RARB: variants seen among roughly 807,000 people sequenced by gnomAD.
RARB encodes the protein retinoic acid receptor beta.
Under a neutral mutation model 51.9 loss-of-function variants are expected in RARB, and 17 were observed. The ratio of observed to expected loss-of-function variants is 0.33; its 90% confidence interval spans 0.22 to 0.49. The LOEUF (loss-of-function observed/expected upper bound fraction) is 0.49, where lower values mean the gene tolerates loss of function less well. Among genes scored for constraint, RARB ranks in the 20% least tolerant of loss-of-function variants. RARB has a pLI of 0.99. For synonymous variants in RARB, 215 were observed against 195.4 expected, an observed-to-expected ratio of 1.10 and a Z score of -0.84; for missense variants, 369 against 550.8, an observed-to-expected ratio of 0.67 and a Z score of 3.30.
At chr3:25,064,462 G>A (rs1698617082) in intron 3 of RARB, among the ~76,000 whole-genome samples, 1 of 152,016 alleles carries the variant, frequency 6.6e-6, no homozygotes, top group Non-Finnish European at 1.5e-5. Flanking sequence ...ACAGTTGTAA[G>A]TTATCCAAAA....
intron 2 of RARB, among the ~76,000 whole-genome samples, chr3:25,001,738 T>C (rs1023377419): frequency 6.6e-6 from 1 of 152,324 alleles, no homozygotes; most frequent in East Asian, 1.9e-4. Context: ...ATGCAACTCA[T>C]TTGCACATGA....
chr3:25,585,589 C>A (rs1461550311), intron 5 of RARB, among the ~76,000 whole-genome samples: 1 of 152,164 alleles, frequency 6.6e-6, no homozygotes, highest in South Asian at 2.1e-4. Context: ...TTCATATCAG[C>A]CCCGTGGGCA....
intron 5 of RARB, among the ~76,000 whole-genome samples, chr3:25,271,728 T>G (rs1305646323): frequency 6.6e-6 from 1 of 152,200 alleles, no homozygotes; most frequent in East Asian, 1.9e-4. Flanking sequence ...TAATCTTGTT[T>G]ATAAAAGAAA....
intron 2 of RARB, among the ~76,000 whole-genome samples, chr3:24,879,435 A>T (rs549377306): frequency 1.7e-3 from 52 of 30,378 alleles, no homozygotes; most frequent in African/African-American, 5.6e-3. Context: ...TCTCAAAATT[A>T]AAAAAAAATA....
At chr3:24,861,062 T>C (rs75329030) in intron 2 of RARB, among the ~76,000 whole-genome samples, 1,973 of 152,264 alleles carry the variant, frequency 0.013, 51 homozygotes, top group African/African-American at 0.045. Flanking sequence ...TTGGCAAATA[T>C]AGTTGACCAC....
chr3:24,870,489 A>G, intron 2 of RARB, among the ~76,000 whole-genome samples: 1 of 152,222 alleles, frequency 6.6e-6, no homozygotes, highest in East Asian at 1.9e-4. Context: ...TTATAAATTT[A>G]TATCAACACT....
chr3:25,111,349 T>G (rs1452968278), intron 3 of RARB, among the ~76,000 whole-genome samples: 4 of 152,296 alleles, frequency 2.6e-5, no homozygotes, highest in East Asian at 1.9e-4. Flanking sequence ...TGACCACTGT[T>G]GGTATTAAGT....
At chr3:24,872,012 C>T (rs950829928) in intron 2 of RARB, among the ~76,000 whole-genome samples, 3 of 152,112 alleles carry the variant, frequency 2.0e-5, no homozygotes, top group African/African-American at 7.2e-5. Flanking sequence ...CCTTACCCCT[C>T]TACAAACTGT....
At chr3:25,103,556 A>G (rs577573529) in intron 3 of RARB, among the ~76,000 whole-genome samples, 34 of 152,364 alleles carry the variant, frequency 2.2e-4, no homozygotes, top group African/African-American at 7.9e-4. Flanking sequence ...TGGATTAGAA[A>G]TCATGAAAGT....
chr3:24,852,996 C>T (rs1480275598), intron 1 of RARB, among the ~76,000 whole-genome samples: 1 of 151,990 alleles, frequency 6.6e-6, no homozygotes, highest in Non-Finnish European at 1.5e-5. Flanking sequence ...GGTATATAAA[C>T]TATATCTCAA....
At chr3:25,001,544 G>A (rs549685089) in intron 2 of RARB, among the ~76,000 whole-genome samples, 1 of 152,244 alleles carries the variant, frequency 6.6e-6, no homozygotes, top group African/African-American at 2.4e-5. Flanking sequence ...AGCCACCACA[G>A]TGATTGACTG....
chr3:25,373,268 GAGAA>G (rs1421192036), intron 5 of RARB, among the ~76,000 whole-genome samples: 1 of 152,084 alleles, frequency 6.6e-6, no homozygotes, highest in Admixed American at 6.6e-5. Flanking sequence ...ATTTCTGAGA[GAGAA>G]AGAAAGACAG....
chr3:25,270,128 A>T (rs1703219785), intron 5 of RARB, among the ~76,000 whole-genome samples: 1 of 152,142 alleles, frequency 6.6e-6, no homozygotes, highest in Admixed American at 6.6e-5. Context: ...ATAGAATCAC[A>T]TATCATCCAT....
chr3:24,874,147 C>A (rs1392845837), intron 2 of RARB, among the ~76,000 whole-genome samples: 1 of 151,916 alleles, frequency 6.6e-6, no homozygotes, highest in Non-Finnish European at 1.5e-5. Flanking sequence ...ATTGGAGGGT[C>A]CTGGAACCAA....
intron 3 of RARB, among the ~76,000 whole-genome samples, chr3:25,538,097 G>A (rs1242653215): frequency 6.6e-6 from 1 of 151,952 alleles, no homozygotes; most frequent in African/African-American, 2.4e-5. Context: ...TTAAGCAATG[G>A]TGTTTCCCAG....
chr3:25,372,627 G>A (rs1173692127), intron 5 of RARB, among the ~76,000 whole-genome samples: 1 of 152,130 alleles, frequency 6.6e-6, no homozygotes, highest in Non-Finnish European at 1.5e-5. Context: ...TCTGAGACCA[G>A]CCTAGGCAAA....
chr3:25,143,703 T>A (rs1700144724), intron 4 of RARB, among the ~76,000 whole-genome samples: 1 of 152,226 alleles, frequency 6.6e-6, no homozygotes, highest in East Asian at 1.9e-4. Context: ...TGTAACTCAG[T>A]GGATGAGTAT....
At chr3:24,958,255 GT>G (rs71057692) in intron 2 of RARB, among the ~76,000 whole-genome samples, 1,741 of 68,856 alleles carry the variant, frequency 0.025, 77 homozygotes, top group African/African-American at 0.046. Flanking sequence ...AGCTGCTCAG[GT>G]TTTTTTTTTT....
chr3:25,056,821 C>T (rs953633836), intron 2 of RARB, among the ~76,000 whole-genome samples: 7 of 152,060 alleles, frequency 4.6e-5, no homozygotes, highest in Non-Finnish European at 1.0e-4. Flanking sequence ...TAAAGACAAA[C>T]TATCTTGATA....
Sources: gnomAD v4.1 joint callset for allele counts (sites outside exome capture counted in the v4.1 genomes callset) on GRCh38, gnomAD v4.1.1 for gene constraint, MANE v1.5 for transcripts, NCBI Gene and HGNC (gene_info 2026-07-23, HGNC 2026-07-21) for gene names.